PCGF3: variants seen among roughly 807,000 people sequenced by gnomAD.
The protein encoded by PCGF3 is polycomb group RING finger protein 3.
PCGF3 carries 7 observed loss-of-function variants against 33.1 expected under a neutral mutation model. The ratio of observed to expected loss-of-function variants is 0.21; its 90% CI spans 0.12 to 0.40. PCGF3 has a LOEUF of 0.40. PCGF3 is among the 10% of genes least tolerant of loss of function. The pLI is 1.00. For missense variants in PCGF3, 211 were observed against 313.3 expected, an observed-to-expected ratio of 0.67 and a Z score of 2.46; for synonymous variants, 153 against 121.3, an observed-to-expected ratio of 1.26 and a Z score of -1.72.
At chr4:762,068 A>G (rs1040399373) in intron 9 of PCGF3, 3 of 985,218 alleles carry the variant, frequency 3.0e-6, no homozygotes, top group Non-Finnish European at 3.6e-6. Context: ...AGGGTGGAGA[A>G]GTGGACAGAC....
At chr4:765,979 C>A (rs372714003) in intron 10 of PCGF3, 53 bp from the exon 11 acceptor site, 3 of 1,561,578 alleles carry the variant, frequency 1.9e-6, no homozygotes, top group Non-Finnish European at 2.6e-6. Flanking sequence ...GAAGTAGGTC[C>A]TTCTCGCCTC....
chr4:712,167 A>T (rs1742598171), intron 1 of PCGF3, among the ~76,000 whole-genome samples: 1 of 152,170 alleles, frequency 6.6e-6, no homozygotes, highest in Admixed American at 6.5e-5. Flanking sequence ...ACTGAATTTT[A>T]AAAATGTGAG....
At chr4:743,705 C>T (rs370487830) in intron 7 of PCGF3, 121 bp downstream of exon 7, 1 of 642,488 alleles carries the variant, frequency 1.6e-6, no homozygotes, top group African/African-American at 1.8e-5. Context: ...CGTGGGGGAA[C>T]CTGAGGGTGT....
intron 1 of PCGF3, among the ~76,000 whole-genome samples, chr4:728,268 C>A (rs1295664168): frequency 2.0e-5 from 3 of 152,298 alleles, no homozygotes; most frequent in African/African-American, 7.2e-5. Context: ...AACAATAATG[C>A]ACATCTTAAA....
At chr4:764,416 AGGGGGCT>A (rs1745244596) in intron 9 of PCGF3, 1 of 141,978 alleles carries the variant, frequency 7.0e-6, no homozygotes, top group African/African-American at 2.6e-5. Context: ...CAGCCGTGGG[AGGGGGCT>A]GGTGTGGACT....
chr4:719,182 TGACCTTGTGATCTGCCTGCCTG>T (rs529418159), intron 1 of PCGF3, among the ~76,000 whole-genome samples: 6 of 152,316 alleles, frequency 3.9e-5, no homozygotes, highest in Non-Finnish European at 7.3e-5. Context: ...GTCGAACTCC[TGACCTTGTGATCTGCCTGCCTG>T]GGCCTCCCAG....
chr4:733,008 C>T (rs1398075172), intron 3 of PCGF3, among the ~76,000 whole-genome samples: 10 of 152,336 alleles, frequency 6.6e-5, no homozygotes, highest in Non-Finnish European at 8.8e-5. Context: ...CTGCCAGCCA[C>T]TGTGGCCTGG....
At chr4:754,467 C>T (rs1452622713) in intron 8 of PCGF3, among the ~76,000 whole-genome samples, 2 of 152,192 alleles carry the variant, frequency 1.3e-5, no homozygotes, top group Non-Finnish European at 1.5e-5. Flanking sequence ...GCGGAGAGCC[C>T]ACCCATCCAG....
At chr4:758,664 C>G (rs1359315874) in intron 8 of PCGF3, among the ~76,000 whole-genome samples, 48 of 106,554 alleles carry the variant, frequency 4.5e-4, no homozygotes, top group Non-Finnish European at 7.4e-4. Context: ...CTTCCGGACT[C>G]CAGGTCTTTC....
At chr4:734,732 G>C (rs1743758489) in intron 4 of PCGF3, 199 bp from the exon 5 acceptor site, 3 of 1,360,842 alleles carry the variant, frequency 2.2e-6, no homozygotes. Context: ...CCATTGACGG[G>C]GCAATTAAAA....
At chr4:732,766 G>A (rs1743654937) in intron 3 of PCGF3, among the ~76,000 whole-genome samples, 1 of 152,230 alleles carries the variant, frequency 6.6e-6, no homozygotes, top group South Asian at 2.1e-4. Flanking sequence ...CGTGCCTGCT[G>A]CTCCCCTGGT....
intron 8 of PCGF3, among the ~76,000 whole-genome samples, chr4:750,091 C>G (rs1234750524): frequency 6.6e-6 from 1 of 152,248 alleles, no homozygotes; most frequent in Non-Finnish European, 1.5e-5. Context: ...AGGCGTGAGC[C>G]CACGTGCCCG....
At chr4:732,832 C>T (rs1743658237) in intron 3 of PCGF3, among the ~76,000 whole-genome samples, 1 of 152,236 alleles carries the variant, frequency 6.6e-6, no homozygotes, top group South Asian at 2.1e-4. Context: ...ACCCTGAGTC[C>T]CCACCAGCCT....
intron 6 of PCGF3, 113 bp downstream of exon 6, chr4:737,634 C>A: frequency 1.4e-6 from 1 of 710,622 alleles, no homozygotes; most frequent in South Asian, 1.6e-5. Flanking sequence ...TTGGCCGAAT[C>A]ACCGTCTTCT....
At chr4:725,793 T>C (rs1743307952) in intron 1 of PCGF3, among the ~76,000 whole-genome samples, 1 of 152,142 alleles carries the variant, frequency 6.6e-6, no homozygotes, top group African/African-American at 2.4e-5. Flanking sequence ...CCCGAGTCGC[T>C]GCCCCTCCTG....
intron 1 of PCGF3, among the ~76,000 whole-genome samples, chr4:706,299 A>AGG (rs1742297916): frequency 7.3e-6 from 1 of 137,070 alleles, no homozygotes; most frequent in African/African-American, 2.6e-5. Flanking sequence ...GGGAGGTCGA[A>AGG]GACCCCAGCC....
chr4:761,894 G>C, intron 9 of PCGF3: 1 of 985,424 alleles, frequency 1.0e-6, no homozygotes, highest in East Asian at 1.1e-4. Context: ...GGATGCAGGC[G>C]CCAGCAGGGT....
Position 705,987 on chromosome 4 carries a change from C to G in PCGF3, c.-190+17C>G, listed in dbSNP as rs1279633449. 6.6e-6 allele frequency: 1 copy of G among 152,230 alleles called. No individual in the cohort carries two copies. The highest frequency in any genetic ancestry group is 1.5e-5 in the Non-Finnish European group (1 of 68,070). 9.4% of individuals were successfully genotyped at this position (152,230 alleles called of 1,614,324 possible). A position where few individuals can be genotyped will look rare whatever the true frequency, so the allele number is the denominator to read the frequency against. On this transcript the variant is annotated intron_variant, in intron 1 of 10. Transcript: ENST00000362003. ...AGACCGCAGGTCAGTGAGTCCGCCC[C>G]GCCTGGCCTGGGCCCTCGGCGCCCG...
chr4:747,606 G>A (rs7681797), intron 8 of PCGF3, among the ~76,000 whole-genome samples: 2 of 21,426 alleles, frequency 9.3e-5, no homozygotes, highest in African/African-American at 1.5e-4. Context: ...GGCGGGGCCC[G>A]GGGGTCGCTG....
Sources: allele counts gnomAD v4.1 joint callset (sites outside exome capture counted in the v4.1 genomes callset), GRCh38; gene constraint gnomAD v4.1.1; transcripts MANE v1.5; gene names NCBI Gene and HGNC (gene_info 2026-07-23, HGNC 2026-07-21).